Variants in KCNK5 observed in about 807,000 individuals in gnomAD.
KCNK5 encodes the protein potassium two pore domain channel subfamily K member 5, also known as potassium channel subfamily K member 5.
KCNK5 carries 18 observed loss-of-function variants against 32.9 expected under a neutral mutation model. That is an observed-to-expected ratio of 0.55 (90% CI 0.38 to 0.81). The LOEUF is 0.81. Among genes scored for constraint, KCNK5 ranks in the 30% least tolerant of loss-of-function variants. KCNK5 has a pLI of 0.00. For synonymous variants in KCNK5, 276 were observed against 275.3 expected, an observed-to-expected ratio of 1.00 and a Z score of -0.03; for missense variants, 507 against 651.0, an observed-to-expected ratio of 0.78 and a Z score of 2.41.
chr6:39,215,432 T>C (rs1002037165), intron 1 of KCNK5, among the ~76,000 whole-genome samples: 12 of 151,316 alleles, frequency 7.9e-5, no homozygotes, highest in Non-Finnish European at 1.5e-5. Context: ...TGAACAGGAG[T>C]GATAGGGAAG....
At chr6:39,199,432 T>C (rs891344382) in intron 1 of KCNK5, among the ~76,000 whole-genome samples, 1 of 152,118 alleles carries the variant, frequency 6.6e-6, no homozygotes, top group South Asian at 2.1e-4. Context: ...AGCCACAGCA[T>C]TATGTGCTTT....
At chr6:39,208,916 C>T (rs1771277614) in intron 1 of KCNK5, among the ~76,000 whole-genome samples, 1 of 152,110 alleles carries the variant, frequency 6.6e-6, no homozygotes, top group South Asian at 2.1e-4. Context: ...ATGGTGAAAC[C>T]CCATCTCTAC....
At chr6:39,213,921 G>C (rs1771384240) in intron 1 of KCNK5, among the ~76,000 whole-genome samples, 2 of 152,116 alleles carry the variant, frequency 1.3e-5, no homozygotes, top group Non-Finnish European at 2.9e-5. Context: ...AGCTACTCAG[G>C]AGACTGAGGC....
At chr6:39,214,947 C>G (rs1280739094) in intron 1 of KCNK5, among the ~76,000 whole-genome samples, 1 of 152,206 alleles carries the variant, frequency 6.6e-6, no homozygotes, top group Non-Finnish European at 1.5e-5. Context: ...TTCCCACAAC[C>G]CTTAATCCAG....
At chr6:39,207,595 T>G (rs1771251935) in intron 1 of KCNK5, among the ~76,000 whole-genome samples, 1 of 140,820 alleles carries the variant, frequency 7.1e-6, no homozygotes, top group Admixed American at 7.2e-5. Flanking sequence ...TCAGTTCCCC[T>G]GCGGACTCTG....
chr6:39,214,400 T>C (rs572641652), intron 1 of KCNK5, among the ~76,000 whole-genome samples: 1 of 152,188 alleles, frequency 6.6e-6, no homozygotes, highest in Non-Finnish European at 1.5e-5. Context: ...ATCTGCTGGC[T>C]TGGGGGAGAA....
At chr6:39,224,362 G>A (rs147461507) in intron 1 of KCNK5, among the ~76,000 whole-genome samples, 4 of 152,122 alleles carry the variant, frequency 2.6e-5, no homozygotes, top group South Asian at 2.1e-4. Flanking sequence ...AGACAAAGAG[G>A]GTGTTTATAT....
chr6:39,206,082 C>A (rs748683933), intron 1 of KCNK5, among the ~76,000 whole-genome samples: 2 of 152,202 alleles, frequency 1.3e-5, no homozygotes, highest in Non-Finnish European at 2.9e-5. Context: ...GATGAGGAAT[C>A]TATAGAGAGG....
At chr6:39,206,187 C>T (rs1488050812) in intron 1 of KCNK5, among the ~76,000 whole-genome samples, 1 of 152,222 alleles carries the variant, frequency 6.6e-6, no homozygotes, top group Admixed American at 6.5e-5. Context: ...ACAGAACAAC[C>T]AGCCCTCCAC....
intron 1 of KCNK5, among the ~76,000 whole-genome samples, chr6:39,197,527 C>T (rs1771051708): frequency 6.6e-6 from 1 of 152,220 alleles, no homozygotes; most frequent in African/African-American, 2.4e-5. Context: ...TCAGAGAGCT[C>T]TCTGTCTAGC....
chr6:39,225,896 T>C (rs927910416), intron 1 of KCNK5, among the ~76,000 whole-genome samples: 1 of 152,180 alleles, frequency 6.6e-6, no homozygotes, highest in African/African-American at 2.4e-5. Context: ...CTTACTTGAA[T>C]ACATACTGTA....
rs201851717 is a variant in KCNK5, at chr6:39,191,034, C to T, written c.1356G>A (p.Gly452=). The T allele has an allele frequency of 2.5e-6, 4 of 1,607,440 alleles. No individual in the cohort carries two copies. The highest frequency in any genetic ancestry group is 1.7e-4 in the Middle Eastern group (1 of 6,036). The change falls in exon 5 of 5, where the codon GGG becomes GGA. Residue 452 remains glycine (G), a synonymous_variant. Coordinates refer to ENST00000359534, the MANE Select transcript of KCNK5 (RefSeq NM_003740.4). This position sits in a 1 kb window ranked among gnomAD's most constrained non-coding sequence, Gnocchi z 5.8. The part of the protein sequence containing the change: ...NLAGEESPQQ[G]AEAKAPLNMG... ...TGTTCAGGGGCGCCTTGGCTTCAGC[C>T]CCCTGCTGGGGGCTCTCCTCCCCTG...
intron 1 of KCNK5, among the ~76,000 whole-genome samples, chr6:39,208,626 G>A (rs1771271901): frequency 6.6e-6 from 1 of 152,242 alleles, no homozygotes; most frequent in South Asian, 2.1e-4. Flanking sequence ...GAAACTACCA[G>A]CAAACCAGCA....
At chr6:39,212,516 C>T (rs1449196360) in intron 1 of KCNK5, among the ~76,000 whole-genome samples, 1 of 152,166 alleles carries the variant, frequency 6.6e-6, no homozygotes. Flanking sequence ...TACAAACAGT[C>T]CTGTGCTGTT....
chr6:39,205,815 G>C lies in KCNK5; in HGVS notation c.187-9828C>G, dbSNP rs116372738. On this transcript the variant is annotated intron_variant, in intron 1 of 4. Transcript: ENST00000359534. ...AGGCCTTACTTCTAAGGTGGGGTTAGAGAGCTCTAGCCCAAGCCCCTGCAC... is the reference window on the plus strand; with the variant it reads ...AGGCCTTACTTCTAAGGTGGGGTTACAGAGCTCTAGCCCAAGCCCCTGCAC... 8.3e-3 allele frequency among the ~76,000 whole-genome samples: 1,265 copies of C among 152,264 alleles called. 11 individuals are homozygous for C. The highest frequency in any genetic ancestry group is 0.024 in the Middle Eastern group (7 of 294).
At position 39,191,072 on chromosome 6, in the gene KCNK5, C is replaced by G. The variant is rs998255137; in HGVS notation, c.1318G>C (p.Glu440Gln). The G allele has an allele frequency of 6.2e-7, 1 of 1,613,860 alleles. No homozygotes were observed. The highest frequency in any genetic ancestry group is 8.5e-7 in the Non-Finnish European group (1 of 1,179,916). Residue 440 changes from glutamate (E) to glutamine (Q), a missense_variant, in exon 5 of 5, where the codon GAG becomes CAG. This residue lies in a region of KCNK5 where 252 missense variants were observed against 250.8 expected (regional missense o/e 1.00). Coordinates refer to ENST00000359534, the MANE Select transcript of KCNK5 (RefSeq NM_003740.4). The surrounding 1 kb of genome is among the most constrained non-coding windows in gnomAD (Gnocchi z 5.8). ...CTCTCCTCCCCTGCCAAGTTGTCCT[C>G]TAGCGAGGACTTGGAGGTCTCCTCG... is the stretch of plus-strand genomic sequence containing the variant. ...SDEETSKSSL[E>Q]DNLAGEESPQ...
chr6:39,227,572 C>A (rs1181033320), intron 1 of KCNK5, among the ~76,000 whole-genome samples: 1 of 152,172 alleles, frequency 6.6e-6, no homozygotes, highest in Non-Finnish European at 1.5e-5. Flanking sequence ...CAACACTAAG[C>A]CTGCTAGACT....
intron 1 of KCNK5, among the ~76,000 whole-genome samples, chr6:39,227,130 C>G (rs1202414394): frequency 2.0e-5 from 3 of 151,576 alleles, no homozygotes; most frequent in Admixed American, 2.0e-4. Context: ...CCGTATGCCC[C>G]GCCAGCCTTT....
intron 1 of KCNK5, among the ~76,000 whole-genome samples, chr6:39,220,818 T>C (rs1004229564): frequency 6.6e-6 from 1 of 152,312 alleles, no homozygotes; most frequent in Non-Finnish European, 1.5e-5. Context: ...GCCAGTCACC[T>C]GTTACATGTG....
Sources: gnomAD v4.1 joint callset for allele counts (sites outside exome capture counted in the v4.1 genomes callset) on GRCh38, gnomAD v4.1.1 for gene constraint, gnomAD v4.1.1 regional missense constraint, Gnocchi (gnomAD v3.1) non-coding constraint, MANE v1.5 for transcripts, NCBI Gene and HGNC (gene_info 2026-07-23, HGNC 2026-07-21) for gene names.